Variants in SOX30 observed in about 807,000 individuals in gnomAD.
SOX30 encodes the protein SRY-box transcription factor 30, also known as transcription factor SOX-30.
SOX30 carries 17 observed loss-of-function variants against 58.6 expected under a neutral mutation model. That is an observed-to-expected ratio of 0.29 (90% CI 0.20 to 0.44). The LOEUF is 0.44. Ranked by LOEUF, SOX30 falls within the 20% of genes least tolerant of loss-of-function variation. The pLI is 1.00. For missense variants in SOX30, 951 were observed against 965.8 expected (o/e 0.98, Z 0.20); for synonymous variants, 421 against 400.2 (o/e 1.05, Z -0.62).
At chr5:157,630,768 T>A (rs1452520346) in intron 4 of SOX30, among the ~76,000 whole-genome samples, 2 of 149,196 alleles carry the variant, frequency 1.3e-5, no homozygotes, top group Admixed American at 6.9e-5. Context: ...GGGGTCTTTT[T>A]GTGTATTTTC....
intron 1 of SOX30, chr5:157,667,912 A>G (rs948250464): frequency 8.0e-6 from 12 of 1,498,700 alleles, no homozygotes; most frequent in African/African-American, 6.9e-5. Flanking sequence ...AAGGCATTTT[A>G]TATCTTACCT....
chr5:157,633,122 G>C (rs1758850063), intron 4 of SOX30, among the ~76,000 whole-genome samples: 1 of 152,178 alleles, frequency 6.6e-6, no homozygotes, highest in African/African-American at 2.4e-5. Context: ...AGAGGTTTTA[G>C]TTTCAGTACC....
At position 157,651,518 on chromosome 5, in the gene SOX30, C is replaced by T. The variant is rs1398797266; in HGVS notation, c.561G>A (p.Glu187=). Residue 187 remains glutamate, a synonymous_variant, in exon 1 of 5, where the codon GAG becomes GAA. Coordinates refer to ENST00000265007, the MANE Select transcript of SOX30 (RefSeq NM_178424.2). ...TCGAGTCTCTCATGACCTCCTCCGC[C>T]TCCAGCTTGCCCTTCTCGTCCCCTC... ...YFRGDEKGKL[E]AEEVMRDSMQ... The T allele has an allele frequency of 7.4e-6, 12 of 1,613,358 alleles. No individual in the cohort carries two copies. The highest frequency in any genetic ancestry group is 1.0e-5 in the Non-Finnish European group (12 of 1,180,042).
At chr5:157,650,675 T>C (rs1759305475) in intron 1 of SOX30, among the ~76,000 whole-genome samples, 1 of 152,234 alleles carries the variant, frequency 6.6e-6, no homozygotes, top group African/African-American at 2.4e-5. Flanking sequence ...GCCTCTATAA[T>C]CGGTATAAAC....
intron 4 of SOX30, among the ~76,000 whole-genome samples, chr5:157,627,337 T>C (rs1384590960): frequency 2.0e-5 from 3 of 152,026 alleles, no homozygotes; most frequent in Non-Finnish European, 4.4e-5. Flanking sequence ...CACTCCAGCC[T>C]GGTGACAGAG....
intron 4 of SOX30, among the ~76,000 whole-genome samples, chr5:157,627,769 C>A (rs962691525): frequency 6.6e-6 from 1 of 151,982 alleles, no homozygotes; most frequent in African/African-American, 2.4e-5. Context: ...CCGAGGTGGG[C>A]GGATCACAAG....
chr5:157,663,806 A>G (rs545440409), intron 2 of SOX30, among the ~76,000 whole-genome samples: 24 of 152,304 alleles, frequency 1.6e-4, no homozygotes, highest in South Asian at 1.0e-3. Context: ...CTATACACCA[A>G]TAACAGACAA....
chr5:157,661,542 C>T (rs528675558), intron 2 of SOX30, among the ~76,000 whole-genome samples: 26 of 152,308 alleles, frequency 1.7e-4, no homozygotes, highest in Admixed American at 1.4e-3. Context: ...AATGAATGGG[C>T]TTGGCTTTGT....
chr5:157,669,400 G>T (rs565561377), intron 1 of SOX30, among the ~76,000 whole-genome samples: 4 of 152,222 alleles, frequency 2.6e-5, no homozygotes, highest in Non-Finnish European at 5.9e-5. Context: ...GGCCAGGCTG[G>T]TCTTAAACTC....
chr5:157,634,206 C>T (rs913089953), intron 4 of SOX30, among the ~76,000 whole-genome samples: 1 of 152,114 alleles, frequency 6.6e-6, no homozygotes, highest in Admixed American at 6.5e-5. Flanking sequence ...AACTGCGTAG[C>T]GAAAAGAAAC....
chr5:157,668,330 A>G (rs1193559748), intron 1 of SOX30, among the ~76,000 whole-genome samples: 1 of 152,196 alleles, frequency 6.6e-6, no homozygotes, highest in African/African-American at 2.4e-5. Context: ...CAGAATGTGA[A>G]GGATTCAGAA....
chr5:157,652,150 G>A lies in SOX30; in HGVS notation c.-72C>T, dbSNP rs1309385595. ...TGGCGACCTTCCCCCTCCCCCTTTC[G>A]GTTAAGAGCCTTGCAAGGCCTTTGC... On this transcript the variant is annotated 5_prime_UTR_variant, in exon 1 of 5. Transcript: ENST00000265007. 5.1e-6 allele frequency: 7 copies of A among 1,378,766 alleles called. No homozygotes were observed. Among genetic ancestry groups the A allele is most frequent in the South Asian group, 3.5e-5 (2 of 56,512 alleles). The allele number at this position is 1,378,766 out of a possible 1,614,324, so 85.4% of individuals were successfully genotyped here.
At chr5:157,646,607 A>T in intron 3 of SOX30, 30 bp downstream of exon 3, 1 of 1,527,768 alleles carries the variant, frequency 6.5e-7, no homozygotes. Context: ...GCTATTTAAA[A>T]AATAGTAATC....
At chr5:157,668,895 T>C (rs1759718103) in intron 1 of SOX30, among the ~76,000 whole-genome samples, 2 of 152,032 alleles carry the variant, frequency 1.3e-5, no homozygotes, top group African/African-American at 4.8e-5. Context: ...GAATTAGTGG[T>C]AGATTTGGTA....
At chr5:157,628,382 C>T (rs1172829987) in intron 4 of SOX30, among the ~76,000 whole-genome samples, 8 of 151,114 alleles carry the variant, frequency 5.3e-5, no homozygotes, top group African/African-American at 1.9e-4. Context: ...CACACACACA[C>T]ACACACACAC....
chr5:157,652,165 A>C lies in SOX30; in HGVS notation c.-87T>G. The C allele has an allele frequency of 1.5e-6, 2 of 1,373,844 alleles. No individual in the cohort carries two copies. The highest frequency in any genetic ancestry group is 1.9e-6 in the Non-Finnish European group (2 of 1,072,412). 85.1% of individuals were successfully genotyped at this position (1,373,844 alleles called of 1,614,324 possible). On this transcript the variant is annotated 5_prime_UTR_variant, in exon 1 of 5. Coordinates refer to ENST00000265007, the MANE Select transcript of SOX30 (RefSeq NM_178424.2). ...TCCCCCTTTCGGTTAAGAGCCTTGC[A>C]AGGCCTTTGCTACCCAGAACCCTAC... is the stretch of plus-strand genomic sequence containing the variant.
intron 4 of SOX30, among the ~76,000 whole-genome samples, chr5:157,636,021 TTATTTAACTGAAAA>T (rs1408035431): frequency 6.6e-6 from 1 of 152,224 alleles, no homozygotes; most frequent in African/African-American, 2.4e-5. Flanking sequence ...ACTAATCCAT[TTATTTAACTGAAAA>T]AGTAGGGGAA....
In SOX30 at chr5:157,632,047, T is replaced by TAAAAAAAAAAAAAAAAA. The variant is rs570172679; in HGVS notation, c.1881-5343_1881-5327dup. On this transcript the variant is annotated intron_variant, in intron 4 of 4. Coordinates refer to ENST00000265007, the MANE Select transcript of SOX30 (RefSeq NM_178424.2). ...GACACAGCAAGACCCACCCCGTAACTAAAAAAAAAAAAAAAAAAAAAAAAA... is the reference window on the plus strand; with the variant it reads ...GACACAGCAAGACCCACCCCGTAACTAAAAAAAAAAAAAAAAAAAAAAAAAAAAAAAAAAAAAAAAAA... 2.1e-3 allele frequency among the ~76,000 whole-genome samples: 121 copies of TAAAAAAAAAAAAAAAAA among 56,402 alleles called. 10 individuals carry two copies. The highest frequency in any genetic ancestry group is 0.011 in the East Asian group (16 of 1,466). 37.0% of individuals were successfully genotyped at this position (56,402 alleles called of 152,430 possible).
rs757620374 is a variant in SOX30, at chr5:157,638,278, G to T, written c.1832C>A (p.Ser611Tyr). ...GGGTAGGAAGTAAGGGTGATGAAAA[G>T]AGAATCTTGGTGGTGTCCCGAACAG... is the stretch of plus-strand genomic sequence containing the variant. ...ATLFGTPPRF[S>Y]FHHPYFLPGP... The change falls in exon 4 of 5, where the codon TCT (serine) becomes TAT (tyrosine). Residue 611 changes from serine to tyrosine, a missense_variant. Around this residue, in one of 7 missense-constraint regions of SOX30, gnomAD observed 381 missense variants for 390.0 expected, o/e 0.98. Transcript: ENST00000265007. 4 of 1,573,188 alleles carry T rather than the reference G, an allele frequency of 2.5e-6. No individual in the cohort carries two copies. The highest frequency in any genetic ancestry group is 1.8e-5 in the Admixed American group (1 of 55,126).
Sources: gnomAD v4.1 joint callset for allele counts (sites outside exome capture counted in the v4.1 genomes callset) on GRCh38, gnomAD v4.1.1 for gene constraint, gnomAD v4.1.1 regional missense constraint, MANE v1.5 for transcripts, NCBI Gene and HGNC (gene_info 2026-07-23, HGNC 2026-07-21) for gene names.